Variants in IGFBP5 observed in about 807,000 individuals in gnomAD.
IGFBP5 encodes insulin like growth factor binding protein 5.
In IGFBP5, 12 loss-of-function variants were observed where a neutral mutation model predicts 28.0. The ratio of observed to expected loss-of-function variants is 0.43; its 90% CI spans 0.27 to 0.69. IGFBP5 has a LOEUF of 0.69. IGFBP5 is among the 30% of genes least tolerant of loss of function. The pLI is 0.20. For synonymous variants in IGFBP5, 152 were observed against 150.2 expected (o/e 1.01, Z -0.09); for missense variants, 344 against 381.6 (o/e 0.90, Z 0.82).
rs190917899 is a variant in IGFBP5 at position 216,672,832 on chromosome 2, T to C, written c.*3919A>G. On this transcript the variant is annotated 3_prime_UTR_variant, in exon 4 of 4. Coordinates refer to ENST00000233813, the MANE Select transcript of IGFBP5 (RefSeq NM_000599.4). Reference sequence around the variant, plus strand: ...ACTCCATTAGAAAACCAAGAAAGTATGTTTGAAATAGAAACAAAAGCCTAA... The same window carrying C: ...ACTCCATTAGAAAACCAAGAAAGTACGTTTGAAATAGAAACAAAAGCCTAA... 6.6e-6 allele frequency: 1 copy of C among 152,670 alleles called. No homozygotes were observed. Among genetic ancestry groups the C allele is most frequent in the Non-Finnish European group, 1.5e-5 (1 of 68,050 alleles). 9.5% of individuals were successfully genotyped at this position (152,670 alleles called of 1,614,324 possible). A position where few individuals can be genotyped will look rare whatever the true frequency, so the allele number is the denominator to read the frequency against.
chr2:216,677,998 G>A, intron 3 of IGFBP5, 114 bp downstream of exon 3: 2 of 1,026,670 alleles, frequency 1.9e-6, no homozygotes, highest in South Asian at 6.5e-5. Context: ...CTGAGGCCCA[G>A]GAAACACTAA....
rs377259220 is a variant in IGFBP5 at position 216,676,759 on chromosome 2, C to T, written c.811G>A (p.Val271Ile). The T allele has an allele frequency of 1.9e-5, 31 of 1,613,090 alleles. No individual in the cohort carries two copies. In the African/African-American group the frequency reaches 2.3e-4, roughly 12 times the overall value. Reference sequence around the variant, plus strand: ...GGTTGGGGGGGGACGCATCACTCAACGTTGCTGCTGTCGAAGGTGTGGCAC... The same window carrying T: ...GGTTGGGGGGGGACGCATCACTCAATGTTGCTGCTGTCGAAGGTGTGGCAC... ...FQCHTFDSSN[V>I]E Residue 271 changes from valine (V) to isoleucine (I), a missense_variant, in exon 4 of 4, where the codon GTT becomes ATT. This residue lies in a region of IGFBP5 where 36 missense variants were observed against 34.1 expected (regional missense o/e 1.06). Coordinates refer to ENST00000233813, the MANE Select transcript of IGFBP5 (RefSeq NM_000599.4).
chr2:216,691,003 G>A (rs1157712903), intron 1 of IGFBP5, among the ~76,000 whole-genome samples: 4 of 151,818 alleles, frequency 2.6e-5, no homozygotes, highest in Non-Finnish European at 5.9e-5. Context: ...TCCTCTCAAA[G>A]ACTTGTTTCA....
At position 216,679,176 on chromosome 2, in the gene IGFBP5, G is replaced by C; in HGVS notation, c.338-97C>G. 1.1e-6 allele frequency: 1 copy of C among 884,302 alleles called. No homozygotes were observed. The highest frequency in any genetic ancestry group is 1.9e-6 in the Non-Finnish European group (1 of 537,500). 54.8% of individuals were successfully genotyped at this position (884,302 alleles called of 1,614,324 possible). On this transcript the variant is annotated intron_variant, in intron 1 of 3. Transcript: ENST00000233813. The surrounding 1 kb of genome is among the most constrained non-coding windows in gnomAD (Gnocchi z 4.6). ...AGTTTGGGGTGAGGGGAGTAATAAAGGCTGAAGCAGATGTGTCTCTGCCCT... is the reference window on the plus strand; with the variant it reads ...AGTTTGGGGTGAGGGGAGTAATAAACGCTGAAGCAGATGTGTCTCTGCCCT...
rs1000308028 is a variant in IGFBP5 at position 216,695,193 on chromosome 2, C to G, written c.-418G>C. 1.2e-5 allele frequency: 2 copies of G among 160,448 alleles called. No homozygotes were observed. The highest frequency in any genetic ancestry group is 4.8e-5 in the African/African-American group (2 of 41,786). 9.9% of individuals were successfully genotyped at this position (160,448 alleles called of 1,614,324 possible). ...GGGTGGGAGAGAAAAATGGATTTAT[C>G]TTTAAAATTTTTGCTTAAAATCTAA... On this transcript the variant is annotated 5_prime_UTR_variant, in exon 1 of 4. Transcript: ENST00000233813.
chr2:216,672,645 A>G lies in IGFBP5; in HGVS notation c.*4106T>C, dbSNP rs1052946. 16,954 of 152,740 alleles carry G rather than the reference A, an allele frequency of 0.11. 1,858 individuals carry two copies. Among genetic ancestry groups the G allele is most frequent in the African/African-American group, 0.29 (11,851 of 41,462 alleles). 9.5% of individuals were successfully genotyped at this position (152,740 alleles called of 1,614,324 possible). ...TGGGCTACGGTGTGACAGTGGCGGTAGAGAGGAGACTCCGGCTGGCGACCG... is the reference window on the plus strand; with the variant it reads ...TGGGCTACGGTGTGACAGTGGCGGTGGAGAGGAGACTCCGGCTGGCGACCG... On this transcript the variant is annotated 3_prime_UTR_variant, in exon 4 of 4. Coordinates refer to ENST00000233813, the MANE Select transcript of IGFBP5 (RefSeq NM_000599.4).
At chr2:216,691,388 T>C (rs1444124912) in intron 1 of IGFBP5, among the ~76,000 whole-genome samples, 2 of 150,280 alleles carry the variant, frequency 1.3e-5, no homozygotes, top group African/African-American at 4.9e-5. Flanking sequence ...GACCAGCCCA[T>C]CAAACCTCAT....
chr2:216,694,523 C>T lies in IGFBP5; in HGVS notation c.253G>A (p.Asp85Asn), dbSNP rs747209740. ...AQGLRCLPRQ[D>N]EEKPLHALLH... ...AGGGCGTGCAGCGGCTTCTCCTCGT[C>T]CTGCCGGGGGAGGCAGCGCAGCCCC... is the stretch of plus-strand genomic sequence containing the variant. Residue 85 changes from aspartate to asparagine, a missense_variant, in exon 1 of 4, where the codon GAC (aspartate) becomes AAC (asparagine). Physicochemically the swap from Asp to Asn is conservative, Grantham distance 23 (BLOSUM62 1). Around this residue, in one of 3 missense-constraint regions of IGFBP5, gnomAD observed 304 missense variants for 329.2 expected, o/e 0.92. Transcript: ENST00000233813. This position sits in a 1 kb window ranked among gnomAD's most constrained non-coding sequence, Gnocchi z 5.2. The T allele has an allele frequency of 2.5e-6, 4 of 1,584,740 alleles. No homozygotes were observed. The highest frequency in any genetic ancestry group is 3.4e-6 in the Non-Finnish European group (4 of 1,168,656).
intron 1 of IGFBP5, among the ~76,000 whole-genome samples, chr2:216,693,699 C>G (rs1434664634): frequency 2.6e-5 from 4 of 152,112 alleles, no homozygotes; most frequent in Non-Finnish European, 5.9e-5. Context: ...CCCCGCACCC[C>G]CGCACTCCTA....
chr2:216,678,198 G>A lies in IGFBP5; in HGVS notation c.601C>T (p.Gln201Ter). 6.3e-7 allele frequency: 1 copy of A among 1,593,802 alleles called. No individual in the cohort carries two copies. The highest frequency in any genetic ancestry group is 8.6e-7 in the Non-Finnish European group (1 of 1,167,788). The change falls in exon 3 of 4, where the codon CAG (glutamine) becomes TAG (stop). Residue 201 changes from glutamine to a stop codon, truncating the protein, a stop_gained. Coordinates refer to ENST00000233813, the MANE Select transcript of IGFBP5 (RefSeq NM_000599.4). LOFTEE classifies it high-confidence loss of function. ...PCRRHMEASL[Q>*]ELKASPRMVP... ...ATGCGTGGGCTGGCTTTGAGCTCCT[G>A]CAGGGAAGCCTCCATGTGTCTGCGG...
Position 216,676,785 on chromosome 2 carries a change from T to C in IGFBP5, c.785A>G (p.Gln262Arg). ...PGMEYVDGDF[Q>R]CHTFDSSNVE ...GTTGCTGCTGTCGAAGGTGTGGCAC[T>C]GAAAGTCCCCGTCAACGTACTCCAT... Residue 262 changes from glutamine (Q) to arginine (R), a missense_variant, in exon 4 of 4, where the codon CAG becomes CGG. Around this residue, in one of 3 missense-constraint regions of IGFBP5, gnomAD observed 36 missense variants for 34.1 expected, o/e 1.06. Transcript: ENST00000233813. 1 of 1,613,884 alleles carries C rather than the reference T, an allele frequency of 6.2e-7. No homozygotes were observed. The highest frequency in any genetic ancestry group is 8.5e-7 in the Non-Finnish European group (1 of 1,179,880).
chr2:216,694,582 T>C lies in IGFBP5; in HGVS notation c.194A>G (p.Gln65Arg). ...GCGCTCGGTGTAGACGCCGCACGAC[T>C]GCCCCTCGGCCAGGGCGCAGGTCAT... ...CCMTCALAEGQSCGVYTERCA... is the reference protein window; with the variant it reads ...CCMTCALAEGRSCGVYTERCA... The change falls in exon 1 of 4, where the codon CAG (glutamine) becomes CGG (arginine). Residue 65 changes from glutamine to arginine, a missense_variant. Coordinates refer to ENST00000233813, the MANE Select transcript of IGFBP5 (RefSeq NM_000599.4). This position sits in a 1 kb window ranked among gnomAD's most constrained non-coding sequence, Gnocchi z 5.2. The C allele has an allele frequency of 6.4e-7, 1 of 1,553,358 alleles. No homozygotes were observed. Among genetic ancestry groups the C allele is most frequent in the South Asian group, 1.2e-5 (1 of 84,546 alleles).
chr2:216,683,910 G>C (rs1689007534), intron 1 of IGFBP5, among the ~76,000 whole-genome samples: 1 of 152,082 alleles, frequency 6.6e-6, no homozygotes, highest in African/African-American at 2.4e-5. Flanking sequence ...TGCCACATTT[G>C]GGTGGCCAAC....
chr2:216,681,864 T>G (rs1465910554), intron 1 of IGFBP5, among the ~76,000 whole-genome samples: 1 of 152,194 alleles, frequency 6.6e-6, no homozygotes, highest in Non-Finnish European at 1.5e-5. Context: ...GTCCTTAACC[T>G]TGAGTCACCC....
At position 216,675,563 on chromosome 2, in the gene IGFBP5, A is replaced by G. The variant is rs1307570775; in HGVS notation, c.*1188T>C. ...AATCCAGTACTGTGCCCCACAAAAA[A>G]GCTGAGTTTATTGCTCACGGGAAAC... On this transcript the variant is annotated 3_prime_UTR_variant, in exon 4 of 4. Coordinates refer to ENST00000233813, the MANE Select transcript of IGFBP5 (RefSeq NM_000599.4). 6.6e-6 allele frequency: 1 copy of G among 152,172 alleles called. No individual in the cohort carries two copies. Among genetic ancestry groups the G allele is most frequent in the African/African-American group, 2.4e-5 (1 of 41,446 alleles). The allele number at this position is 152,172 out of a possible 1,614,324, so 9.4% of individuals were successfully genotyped here.
At chr2:216,687,706 G>A (rs1689046934) in intron 1 of IGFBP5, among the ~76,000 whole-genome samples, 1 of 152,162 alleles carries the variant, frequency 6.6e-6, no homozygotes. Flanking sequence ...TAATGGTGGG[G>A]GGATAGGTGG....
chr2:216,682,334 A>G (rs1366789155), intron 1 of IGFBP5, among the ~76,000 whole-genome samples: 1 of 152,178 alleles, frequency 6.6e-6, no homozygotes, highest in Admixed American at 6.5e-5. Flanking sequence ...ATGGAGATTA[A>G]AGGGCTGGAA....
At chr2:216,681,746 TC>T (rs1421119431) in intron 1 of IGFBP5, among the ~76,000 whole-genome samples, 1 of 152,218 alleles carries the variant, frequency 6.6e-6, no homozygotes, top group Non-Finnish European at 1.5e-5. Context: ...GCTTATTCTC[TC>T]TTTGGCCTTG....
At position 216,679,009 on chromosome 2, in the gene IGFBP5, G is replaced by A. The variant is rs1185299278; in HGVS notation, c.408C>T (p.Ile136=). The A allele has an allele frequency of 1.9e-6, 3 of 1,614,036 alleles. No individual in the cohort carries two copies. In the Admixed American group the frequency reaches 5.0e-5, roughly 27 times the overall value. The change falls in exon 2 of 4, where the codon ATC becomes ATT. Residue 136 remains isoleucine (I), a synonymous_variant. Coordinates refer to ENST00000233813, the MANE Select transcript of IGFBP5 (RefSeq NM_000599.4). This position sits in a 1 kb window ranked among gnomAD's most constrained non-coding sequence, Gnocchi z 4.6. ...AGATGCGGGTGTGTTTGGGCCGGAAGATCTTGGGGGAGTAGGTCTCCTCGG... is the reference window on the plus strand; with the variant it reads ...AGATGCGGGTGTGTTTGGGCCGGAAAATCTTGGGGGAGTAGGTCTCCTCGG... ...EMAEETYSPK[I]FRPKHTRISE... is the part of the protein sequence containing the mutation.
Sources: gnomAD v4.1 joint callset for allele counts (sites outside exome capture counted in the v4.1 genomes callset) on GRCh38, gnomAD v4.1.1 for gene constraint, gnomAD v4.1.1 regional missense constraint, Gnocchi (gnomAD v3.1) non-coding constraint, MANE v1.5 for transcripts, NCBI Gene and HGNC (gene_info 2026-07-23, HGNC 2026-07-21) for gene names.